DYDC1: variants seen among roughly 807,000 people sequenced by gnomAD.
DYDC1 encodes DPY30 domain containing 1, also known as DPY30 domain-containing protein 1.
A neutral mutation model predicts 27.9 loss-of-function variants in DYDC1; 21 were observed. That is an observed-to-expected ratio of 0.75 (90% CI 0.53 to 1.08). The LOEUF (loss-of-function observed/expected upper bound fraction) is 1.08, where lower values mean the gene tolerates loss of function less well. Among genes scored for constraint, DYDC1 ranks in the 50% least tolerant of loss-of-function variants. DYDC1 has a pLI of 0.00. For synonymous variants in DYDC1, 67 were observed against 65.8 expected (o/e 1.02, Z -0.09); for missense variants, 202 against 205.9 (o/e 0.98, Z 0.12).
Position 80,352,137 on chromosome 10 carries a change from A to G in DYDC1, c.148-135T>C, listed in dbSNP as rs78566966. 5.3e-4 allele frequency: 433 copies of G among 817,600 alleles called. No individual in the cohort carries two copies. The African/African-American group carries it at 6.8e-3, about 13-fold the overall frequency. The allele number at this position is 817,600 out of a possible 1,614,324, so 50.6% of individuals were successfully genotyped here. A position where few individuals can be genotyped will look rare whatever the true frequency, so the allele number is the denominator to read the frequency against. The stretch of plus-strand genomic sequence containing the variant: ...TATAGCCCATCCCTGTGGAAATGAT[A>G]TAATAATTTGGGAAGATATTTTATC... On this transcript the variant is annotated intron_variant, in intron 2 of 6. Transcript: ENST00000372202.
chr10:80,338,012 C>T (rs2132738207), intron 6 of DYDC1: 1 of 916,980 alleles, frequency 1.1e-6, no homozygotes, highest in Admixed American at 6.2e-5. Flanking sequence ...AAGCCATCTG[C>T]CTTATTCACC....
At chr10:80,349,851 C>G (rs1842882926) in intron 3 of DYDC1, among the ~76,000 whole-genome samples, 1 of 152,178 alleles carries the variant, frequency 6.6e-6, no homozygotes, top group Non-Finnish European at 1.5e-5. Context: ...CAAAACTAAG[C>G]TCTTACATAG....
At chr10:80,339,290 T>C (rs776670932) in intron 4 of DYDC1, 137 bp from the exon 5 acceptor site, 1 of 386,568 alleles carries the variant, frequency 2.6e-6, no homozygotes, top group Non-Finnish European at 4.6e-6. Flanking sequence ...AAGAGAATGA[T>C]CTGATTACAC....
chr10:80,342,726 A>G (rs2132758890), intron 3 of DYDC1, among the ~76,000 whole-genome samples: 1 of 152,302 alleles, frequency 6.6e-6, no homozygotes, highest in East Asian at 1.9e-4. Flanking sequence ...CATGCCTGTA[A>G]TCCCAGCACT....
chr10:80,344,421 T>A (rs995259944), intron 3 of DYDC1, among the ~76,000 whole-genome samples: 1 of 152,208 alleles, frequency 6.6e-6, no homozygotes, highest in African/African-American at 2.4e-5. Context: ...TCTGAGTGGC[T>A]TTCCTTGGCT....
intron 3 of DYDC1, among the ~76,000 whole-genome samples, chr10:80,342,980 C>CAAAAAAA (rs55665661): frequency 1.1e-4 from 10 of 93,804 alleles, no homozygotes; most frequent in East Asian, 2.9e-4. Flanking sequence ...GACTCCCTCT[C>CAAAAAAA]AAAAAAAAAA....
chr10:80,348,118 C>T (rs532409470), intron 3 of DYDC1, among the ~76,000 whole-genome samples: 15 of 152,230 alleles, frequency 9.9e-5, no homozygotes, highest in Non-Finnish European at 2.2e-4. Context: ...TTTGTGTCTT[C>T]CTCAATTTTT....
intron 5 of DYDC1, 42 bp downstream of exon 5, chr10:80,339,055 T>G (rs370770564): frequency 8.9e-7 from 1 of 1,118,588 alleles, no homozygotes; most frequent in Non-Finnish European, 1.3e-6. Flanking sequence ...TCTAGGATAC[T>G]CAATTCATTT....
At chr10:80,350,472 C>T (rs1842921021) in intron 3 of DYDC1, among the ~76,000 whole-genome samples, 1 of 152,118 alleles carries the variant, frequency 6.6e-6, no homozygotes, top group South Asian at 2.1e-4. Context: ...AAGCACCTGG[C>T]CTGTTTGGAT....
intron 6 of DYDC1, chr10:80,336,446 C>T (rs1842137838): frequency 1.4e-6 from 1 of 738,322 alleles, no homozygotes; most frequent in Non-Finnish European, 1.7e-6. Flanking sequence ...TGTGGCCATC[C>T]CTTCAATGTT....
chr10:80,336,424 G>A (rs1842136972), intron 6 of DYDC1: 1 of 882,440 alleles, frequency 1.1e-6, no homozygotes. Context: ...CCTTCTTGTA[G>A]GCTCCTCTTC....
Position 80,336,341 on chromosome 10 carries a change from T to C in DYDC1, c.505-156A>G, listed in dbSNP as rs1050145081. 8.1e-6 allele frequency: 8 copies of C among 982,052 alleles called. No homozygotes were observed. In the African/African-American group the frequency reaches 1.4e-4, roughly 17 times the overall value. The allele number at this position is 982,052 out of a possible 1,614,324, so 60.8% of individuals were successfully genotyped here. ...TTTCAAATGATACTCAAATTGAATA[T>C]AACCATAAATTATGTTCTCAAAGTA... On this transcript the variant is annotated intron_variant, in intron 6 of 6. Transcript: ENST00000372202.
At chr10:80,355,939 AAGACCAAAACGCTACAC>A (rs1277002734) in intron 1 of DYDC1, among the ~76,000 whole-genome samples, 1 of 151,956 alleles carries the variant, frequency 6.6e-6, no homozygotes, top group East Asian at 1.9e-4. Context: ...ATATACCTGA[AAGACCAAAACGCTACAC>A]AGACATCTCA....
chr10:80,348,666 A>G (rs1842805028), intron 3 of DYDC1, among the ~76,000 whole-genome samples: 1 of 152,238 alleles, frequency 6.6e-6, no homozygotes, highest in East Asian at 1.9e-4. Flanking sequence ...TGCAATTAAG[A>G]AGCTTCCATC....
At chr10:80,351,717 A>C (rs1344889492) in intron 3 of DYDC1, among the ~76,000 whole-genome samples, 184 bp downstream of exon 3, 1 of 152,206 alleles carries the variant, frequency 6.6e-6, no homozygotes, top group Non-Finnish European at 1.5e-5. Flanking sequence ...ACAAGAATGC[A>C]CTCAGGAAAA....
intron 4 of DYDC1, among the ~76,000 whole-genome samples, chr10:80,341,754 C>T (rs7913893): frequency 6.6e-6 from 1 of 152,306 alleles, no homozygotes; most frequent in Admixed American, 6.5e-5. Flanking sequence ...GCCAGGGGCG[C>T]TGGCTCATGC....
At chr10:80,351,847 C>T in intron 3 of DYDC1, 54 bp downstream of exon 3, 1 of 1,527,312 alleles carries the variant, frequency 6.5e-7, no homozygotes, top group Non-Finnish European at 9.0e-7. Flanking sequence ...CTGTGCCATG[C>T]TGAGGTTGGC....
chr10:80,355,122 C>T (rs143230218), intron 1 of DYDC1, among the ~76,000 whole-genome samples: 1 of 150,216 alleles, frequency 6.7e-6, no homozygotes, highest in Non-Finnish European at 1.5e-5. Flanking sequence ...AAAATTAACA[C>T]GACAAAGAAG....
At chr10:80,343,555 T>TA (rs1842432106) in intron 3 of DYDC1, among the ~76,000 whole-genome samples, 3 of 152,062 alleles carry the variant, frequency 2.0e-5, no homozygotes, top group Admixed American at 2.0e-4. Flanking sequence ...GAGGATTACT[T>TA]GAAGCCAGGA....
Sources: allele counts gnomAD v4.1 joint callset (sites outside exome capture counted in the v4.1 genomes callset), GRCh38; gene constraint gnomAD v4.1.1; transcripts MANE v1.5; gene names NCBI Gene and HGNC (gene_info 2026-07-23, HGNC 2026-07-21).